The following GBE1 variants were observed in gnomAD, a reference collection of about 807,000 sequenced individuals.
The protein encoded by GBE1 is 1,4-alpha-glucan branching enzyme 1.
GBE1 carries 70 observed loss-of-function variants against 88.8 expected under a neutral mutation model. The ratio of observed to expected loss-of-function variants is 0.79; its 90% CI spans 0.65 to 0.96. The LOEUF is 0.96. Ranked by LOEUF, GBE1 falls within the 40% of genes least tolerant of loss-of-function variation. The probability of loss-of-function intolerance (pLI) is 0.00; values close to 1 mark genes in which losing one functional copy is unlikely to be tolerated. For missense variants in GBE1, 872 were observed against 871.0 expected (o/e 1.00, Z -0.01); for synonymous variants, 284 against 300.1 (o/e 0.95, Z 0.56).
intron 3 of GBE1, among the ~76,000 whole-genome samples, chr3:81,651,616 G>A (rs1382732033): frequency 1.3e-5 from 2 of 150,876 alleles, no homozygotes; most frequent in Non-Finnish European, 2.9e-5. Context: ...ATATGCTACA[G>A]TAATATGTTT....
Position 81,759,532 on chromosome 3 carries a change from T to C in GBE1, c.143+1843A>G, listed in dbSNP as rs114223629. ...TGTTTTATTCTTCAAGTGTTAACAA[T>C]AGAAGTTACCACTAACAAATGCCAA... On this transcript the variant is annotated intron_variant, in intron 1 of 15. Transcript: ENST00000429644. Among the ~76,000 whole-genome samples, 883 of 152,334 alleles carry C rather than the reference T, an allele frequency of 5.8e-3. 13 individuals are homozygous for C. Among genetic ancestry groups the C allele is most frequent in the African/African-American group, 0.019 (808 of 41,568 alleles).
At chr3:81,701,454 C>A (rs1480115096) in intron 2 of GBE1, among the ~76,000 whole-genome samples, 1 of 151,880 alleles carries the variant, frequency 6.6e-6, no homozygotes, top group East Asian at 1.9e-4. Flanking sequence ...GGTTCAAATG[C>A]CTTTTGAAAT....
At chr3:81,677,442 A>C (rs549187959) in intron 2 of GBE1, among the ~76,000 whole-genome samples, 1 of 152,232 alleles carries the variant, frequency 6.6e-6, no homozygotes, top group Non-Finnish European at 1.5e-5. Context: ...GCAAGGAAAC[A>C]TCCTTCCTCA....
At chr3:81,604,781 TAA>T (rs1434552780) in intron 7 of GBE1, among the ~76,000 whole-genome samples, 1 of 128,820 alleles carries the variant, frequency 7.8e-6, no homozygotes, top group Non-Finnish European at 1.8e-5. Context: ...AAAACTTAAG[TAA>T]GAAATTATTT....
At chr3:81,502,186 A>C (rs1357835627) in intron 14 of GBE1, among the ~76,000 whole-genome samples, 2 of 152,166 alleles carry the variant, frequency 1.3e-5, no homozygotes, top group East Asian at 1.9e-4. Context: ...ATGCAATTTT[A>C]AAGTCACAAA....
At chr3:81,737,333 TTATATATATTTATATAAATATATA>T (rs1706273489) in intron 1 of GBE1, among the ~76,000 whole-genome samples, 1 of 54,178 alleles carries the variant, frequency 1.8e-5, no homozygotes, top group Non-Finnish European at 3.7e-5. Flanking sequence ...ATATATATTT[TTATATATATTTATATAAATATATA>T]TTTATATATT....
chr3:81,497,728 A>G (rs947712397), intron 15 of GBE1, among the ~76,000 whole-genome samples: 1 of 152,162 alleles, frequency 6.6e-6, no homozygotes, highest in African/African-American at 2.4e-5. Context: ...TAGTTCCATC[A>G]GTGAAAGTTC....
intron 1 of GBE1, among the ~76,000 whole-genome samples, chr3:81,715,939 C>T (rs1705931428): frequency 6.6e-6 from 1 of 152,050 alleles, no homozygotes; most frequent in East Asian, 1.9e-4. Flanking sequence ...AAACTTAAAA[C>T]ATGAAAAAAC....
At chr3:81,755,785 C>T (rs1036340135) in intron 1 of GBE1, among the ~76,000 whole-genome samples, 1 of 151,856 alleles carries the variant, frequency 6.6e-6, no homozygotes. Flanking sequence ...CTCAGGAAGA[C>T]AGAAAGTAGA....
At chr3:81,608,427 C>G (rs1045892291) in intron 7 of GBE1, among the ~76,000 whole-genome samples, 9 of 152,142 alleles carry the variant, frequency 5.9e-5, no homozygotes, top group Non-Finnish European at 1.2e-4. Context: ...AGGAAAGCCG[C>G]TTATTTGTGC....
At chr3:81,588,775 A>G (rs1045632826) in intron 9 of GBE1, among the ~76,000 whole-genome samples, 4 of 152,046 alleles carry the variant, frequency 2.6e-5, no homozygotes, top group African/African-American at 9.7e-5. Context: ...TACTATATAA[A>G]CCTCTAATTT....
chr3:81,490,144 T>G lies in GBE1; in HGVS notation c.*263A>C. On this transcript the variant is annotated 3_prime_UTR_variant, in exon 16 of 16. Transcript: ENST00000429644. Reference sequence around the variant, plus strand: ...AAAGCAAAATGTTTTTAACATATTATATATAACACTTCCATTTGAGAATCC... The same window carrying G: ...AAAGCAAAATGTTTTTAACATATTAGATATAACACTTCCATTTGAGAATCC... The G allele has an allele frequency of 2.2e-6, 1 of 445,546 alleles. No individual in the cohort carries two copies. The highest frequency in any genetic ancestry group is 4.0e-6 in the Non-Finnish European group (1 of 252,672). The allele number at this position is 445,546 out of a possible 1,614,324, so 27.6% of individuals were successfully genotyped here.
In GBE1 at chr3:81,687,854, T is replaced by C. The variant is rs77857023; in HGVS notation, c.314-16901A>G. Among the ~76,000 whole-genome samples, 624 of 152,274 alleles carry C rather than the reference T, an allele frequency of 4.1e-3. 9 individuals carry two copies. The highest frequency in any genetic ancestry group is 0.014 in the Middle Eastern group (4 of 294). ...TAGTCACGTCACAAAACATCGTAGATCGAGACGCCCCATTCAGTCTGGAGT... is the reference window on the plus strand; with the variant it reads ...TAGTCACGTCACAAAACATCGTAGACCGAGACGCCCCATTCAGTCTGGAGT... On this transcript the variant is annotated intron_variant, in intron 2 of 15. Coordinates refer to ENST00000429644, the MANE Select transcript of GBE1 (RefSeq NM_000158.4).
intron 2 of GBE1, among the ~76,000 whole-genome samples, chr3:81,694,818 T>C (rs1705568898): frequency 6.6e-6 from 1 of 152,162 alleles, no homozygotes; most frequent in African/African-American, 2.4e-5. Flanking sequence ...TATGATACAG[T>C]TTCCTTTGTA....
intron 15 of GBE1, among the ~76,000 whole-genome samples, chr3:81,494,621 A>C (rs576743037): frequency 6.6e-6 from 1 of 152,322 alleles, no homozygotes; most frequent in East Asian, 1.9e-4. Flanking sequence ...TTATACCTAG[A>C]ATCGCCTTAA....
At chr3:81,492,188 C>G (rs1702445844) in intron 15 of GBE1, among the ~76,000 whole-genome samples, 1 of 152,082 alleles carries the variant, frequency 6.6e-6, no homozygotes, top group African/African-American at 2.4e-5. Context: ...GTGAGAAAAC[C>G]ATGTATTTCA....
intron 3 of GBE1, among the ~76,000 whole-genome samples, chr3:81,652,939 G>A (rs1461957033): frequency 2.0e-5 from 3 of 152,108 alleles, no homozygotes; most frequent in Non-Finnish European, 2.9e-5. Context: ...AAAATTTTTA[G>A]AGAAAACTTT....
chr3:81,673,155 G>A (rs1289089801), intron 2 of GBE1, among the ~76,000 whole-genome samples: 2 of 151,664 alleles, frequency 1.3e-5, no homozygotes. Context: ...CATAATTAGA[G>A]AAAAAATAAT....
intron 2 of GBE1, among the ~76,000 whole-genome samples, chr3:81,682,153 A>T (rs1705354867): frequency 6.6e-6 from 1 of 152,222 alleles, no homozygotes; most frequent in Non-Finnish European, 1.5e-5. Context: ...GTACAAATGG[A>T]CAATAAGCAT....
Sources: allele counts gnomAD v4.1 joint callset (sites outside exome capture counted in the v4.1 genomes callset), GRCh38; gene constraint gnomAD v4.1.1; transcripts MANE v1.5; gene names NCBI Gene and HGNC (gene_info 2026-07-23, HGNC 2026-07-21).